SND1: variants seen among roughly 807,000 people sequenced by gnomAD.
The protein encoded by SND1 is staphylococcal nuclease domain-containing protein 1.
SND1 carries 38 observed loss-of-function variants against 121.7 expected under a neutral mutation model. The observed-to-expected ratio is 0.31, with a 90% CI of 0.24 to 0.41. The LOEUF (loss-of-function observed/expected upper bound fraction) is 0.41. Ranked by LOEUF, SND1 falls within the 10% of genes least tolerant of loss-of-function variation. The pLI is 1.00. For synonymous variants in SND1, 401 were observed against 447.4 expected (o/e 0.90, Z 1.31); for missense variants, 868 against 1,184.6 (o/e 0.73, Z 3.92).
intron 9 of SND1, among the ~76,000 whole-genome samples, chr7:127,717,189 G>A (rs1030460186): frequency 2.0e-5 from 3 of 152,044 alleles, no homozygotes; most frequent in Admixed American, 6.5e-5. Context: ...CGGGAGTATT[G>A]TATTTTTGTT....
rs532837651 is a variant in SND1, at chr7:127,984,259, A to G, written c.1670-6688A>G. Reference sequence around the variant, plus strand: ...TATGCTCCAGCCTCAGGTCTCTCTGACATAGCTGGTCAGTGTTGACCACTT... The same window carrying G: ...TATGCTCCAGCCTCAGGTCTCTCTGGCATAGCTGGTCAGTGTTGACCACTT... On this transcript the variant is annotated intron_variant, in intron 15 of 23. Transcript: ENST00000354725. 3.9e-5 allele frequency among the ~76,000 whole-genome samples: 6 copies of G among 152,362 alleles called. No individual in the cohort carries two copies. The South Asian group carries it at 1.2e-3, about 32-fold the overall frequency.
chr7:127,717,662 T>C (rs7778413), intron 9 of SND1, among the ~76,000 whole-genome samples: 34,305 of 151,984 alleles, frequency 0.23, 4,543 homozygotes, highest in African/African-American at 0.37. Context: ...AGAATAGGTA[T>C]CTGTGTGTCA....
chr7:127,877,794 G>A (rs1799718383), intron 12 of SND1, among the ~76,000 whole-genome samples: 1 of 152,028 alleles, frequency 6.6e-6, no homozygotes, highest in African/African-American at 2.4e-5. Context: ...CCAAACTGAA[G>A]GGAGCTATTG....
chr7:127,715,716 T>C (rs935052019), intron 9 of SND1, among the ~76,000 whole-genome samples: 3 of 152,254 alleles, frequency 2.0e-5, no homozygotes, highest in African/African-American at 7.2e-5. Context: ...CACAAAATTT[T>C]CATGAAATCT....
chr7:127,878,545 C>T (rs1164757716), intron 12 of SND1, among the ~76,000 whole-genome samples: 1 of 152,114 alleles, frequency 6.6e-6, no homozygotes, highest in Non-Finnish European at 1.5e-5. Context: ...TTGGTTTTCC[C>T]GTCACTCCAC....
intron 14 of SND1, among the ~76,000 whole-genome samples, chr7:127,924,979 T>C (rs559972524): frequency 2.0e-5 from 3 of 152,304 alleles, no homozygotes; most frequent in African/African-American, 7.2e-5. Context: ...CATCCTGCCA[T>C]TCTGGAGGGT....
At chr7:127,895,201 A>G (rs1238241905) in intron 13 of SND1, among the ~76,000 whole-genome samples, 1 of 152,238 alleles carries the variant, frequency 6.6e-6, no homozygotes, top group Non-Finnish European at 1.5e-5. Context: ...CTTCAATCTA[A>G]TGACCTCAAC....
chr7:127,900,314 A>G (rs781704657), intron 13 of SND1, among the ~76,000 whole-genome samples: 16 of 152,214 alleles, frequency 1.1e-4, no homozygotes, highest in South Asian at 2.1e-4. Flanking sequence ...CAGAATAACA[A>G]TCTACTGTCG....
chr7:128,091,727 G>T, intron 22 of SND1, 110 bp from the exon 23 acceptor site: 3 of 1,124,752 alleles, frequency 2.7e-6, no homozygotes, highest in Non-Finnish European at 4.1e-6. Context: ...CCATTGGACA[G>T]GCTTGAGCAA....
chr7:127,921,395 TTCAAAGTAGTGA>T (rs1287850698), intron 14 of SND1, among the ~76,000 whole-genome samples: 6 of 152,188 alleles, frequency 3.9e-5, no homozygotes, highest in African/African-American at 1.4e-4. Flanking sequence ...TACACTAGTA[TTCAAAGTAGTGA>T]TCAAAGTAGA....
intron 1 of SND1, among the ~76,000 whole-genome samples, chr7:127,672,639 T>C (rs1303932328): frequency 6.6e-6 from 1 of 151,744 alleles, no homozygotes; most frequent in Non-Finnish European, 1.5e-5. Context: ...GAAAAAGAAA[T>C]TAACATGGAT....
chr7:127,915,802 A>T (rs951342434), intron 14 of SND1, among the ~76,000 whole-genome samples: 2 of 152,236 alleles, frequency 1.3e-5, no homozygotes, highest in African/African-American at 4.8e-5. Flanking sequence ...AATGTTGTAT[A>T]CAAAGGTCCT....
chr7:127,929,409 C>A, intron 15 of SND1, 80 bp downstream of exon 15: 2 of 1,439,554 alleles, frequency 1.4e-6, no homozygotes, highest in Non-Finnish European at 9.7e-7. Flanking sequence ...CCCCTGTGTT[C>A]TAGATAGGCC....
At chr7:127,769,593 C>G (rs1243380357) in intron 10 of SND1, among the ~76,000 whole-genome samples, 1 of 152,032 alleles carries the variant, frequency 6.6e-6, no homozygotes, top group South Asian at 2.1e-4. Context: ...TTGTCCAGAT[C>G]TGTTTATTCC....
chr7:128,003,298 C>T (rs1051368058), intron 16 of SND1, among the ~76,000 whole-genome samples: 1 of 152,144 alleles, frequency 6.6e-6, no homozygotes, highest in African/African-American at 2.4e-5. Context: ...CAAGAAGAAG[C>T]GTTTGGGTCA....
intron 16 of SND1, among the ~76,000 whole-genome samples, chr7:128,007,314 CAT>C (rs1199558729): frequency 8.5e-5 from 13 of 152,150 alleles, no homozygotes; most frequent in African/African-American, 2.9e-4. Flanking sequence ...ATTTAATGCA[CAT>C]GTTTTTCCCT....
intron 10 of SND1, among the ~76,000 whole-genome samples, chr7:127,795,774 A>G (rs1446820706): frequency 2.6e-5 from 4 of 152,162 alleles, no homozygotes; most frequent in African/African-American, 4.8e-5. Flanking sequence ...TTCATTAGCA[A>G]TTACAAAGGG....
intron 14 of SND1, 30 bp downstream of exon 14, chr7:127,904,849 G>C (rs1277981760): frequency 7.5e-7 from 1 of 1,337,090 alleles, no homozygotes; most frequent in East Asian, 2.3e-5. Context: ...CAAGCTGTGT[G>C]GCTCAGAGGC....
chr7:127,735,846 C>CA (rs1796767533), intron 10 of SND1, among the ~76,000 whole-genome samples: 1 of 152,264 alleles, frequency 6.6e-6, no homozygotes, highest in South Asian at 2.1e-4. Context: ...AGGCTGGTCT[C>CA]AAACTCCTGA....
Sources: allele counts gnomAD v4.1 joint callset (sites outside exome capture counted in the v4.1 genomes callset), GRCh38; gene constraint gnomAD v4.1.1; transcripts MANE v1.5; gene names NCBI Gene and HGNC (gene_info 2026-07-23, HGNC 2026-07-21).